RORA: variants seen among roughly 807,000 people sequenced by gnomAD.
RORA encodes nuclear receptor ROR-alpha.
Under a neutral mutation model 69.5 loss-of-function variants are expected in RORA, and 7 were observed. The observed-to-expected ratio is 0.10, with a 90% CI of 0.06 to 0.19. The LOEUF (loss-of-function observed/expected upper bound fraction) is 0.19, where lower values mean the gene tolerates loss of function less well. Ranked by LOEUF, RORA falls within the 10% of genes least tolerant of loss-of-function variation. RORA has a pLI of 1.00. For synonymous variants in RORA, 261 were observed against 240.8 expected (o/e 1.08, Z -0.78); for missense variants, 457 against 663.0 (o/e 0.69, Z 3.41).
chr15:60,894,585 A>T (rs1891177888), intron 1 of RORA, among the ~76,000 whole-genome samples: 1 of 152,176 alleles, frequency 6.6e-6, no homozygotes, highest in African/African-American at 2.4e-5. Context: ...GAGCAAGGGG[A>T]TCAGAAAACT....
chr15:61,022,922 C>T (rs963463445), intron 1 of RORA, among the ~76,000 whole-genome samples: 11 of 152,068 alleles, frequency 7.2e-5, no homozygotes, highest in African/African-American at 2.4e-4. Context: ...CGGTGGCCCA[C>T]ACCTGCAATC....
Position 61,228,342 on chromosome 15 carries a change from C to T in RORA, c.166+711G>A, listed in dbSNP as rs539184637. 2.6e-5 allele frequency among the ~76,000 whole-genome samples: 4 copies of T among 152,092 alleles called. No individual in the cohort carries two copies. The South Asian group carries it at 6.2e-4, about 24-fold the overall frequency. On this transcript the variant is annotated intron_variant, in intron 1 of 10. Transcript: ENST00000335670. ...TCCGAACCCCCGGTCTGCAAACTTG[C>T]GCATCTCCCCTCGCCGCGCCCGCCA...
At chr15:61,189,616 G>A (rs1432128422) in intron 1 of RORA, among the ~76,000 whole-genome samples, 1 of 152,074 alleles carries the variant, frequency 6.6e-6, no homozygotes, top group Non-Finnish European at 1.5e-5. Context: ...CCAAAATTTT[G>A]GGAGGCCGAG....
At chr15:61,091,913 T>C (rs2078713713) in intron 1 of RORA, among the ~76,000 whole-genome samples, 1 of 152,248 alleles carries the variant, frequency 6.6e-6, no homozygotes, top group Non-Finnish European at 1.5e-5. Flanking sequence ...TACAATGGCA[T>C]ATGTTAAAAA....
chr15:60,615,802 G>A (rs1056386037), intron 2 of RORA, among the ~76,000 whole-genome samples: 3 of 152,192 alleles, frequency 2.0e-5, no homozygotes, highest in East Asian at 1.9e-4. Context: ...AATGACTGAC[G>A]AGGCCCTGCT....
chr15:60,759,255 C>CAT (rs1011188901), intron 1 of RORA, among the ~76,000 whole-genome samples: 1 of 152,224 alleles, frequency 6.6e-6, no homozygotes, highest in African/African-American at 2.4e-5. Flanking sequence ...TCCTGCCTTA[C>CAT]AGAGGCCAGC....
intron 1 of RORA, among the ~76,000 whole-genome samples, chr15:60,769,105 G>A (rs2072032709): frequency 6.6e-6 from 1 of 152,352 alleles, no homozygotes; most frequent in East Asian, 1.9e-4. Context: ...GGTGTGAACA[G>A]AGAGTAAAGA....
intron 2 of RORA, among the ~76,000 whole-genome samples, chr15:60,542,924 C>T (rs2066940602): frequency 1.3e-5 from 2 of 151,318 alleles, no homozygotes; most frequent in Middle Eastern, 6.8e-3. Context: ...ACCACACATG[C>T]CACACACACA....
At chr15:60,854,341 C>A (rs1269141592) in intron 1 of RORA, among the ~76,000 whole-genome samples, 2 of 152,052 alleles carry the variant, frequency 1.3e-5, no homozygotes, top group Non-Finnish European at 2.9e-5. Flanking sequence ...ACAAAAATAA[C>A]TTGAATCATT....
intron 3 of RORA, among the ~76,000 whole-genome samples, chr15:60,516,236 TATATATATA>T: frequency 1.7e-5 from 1 of 57,170 alleles, no homozygotes; most frequent in Non-Finnish European, 3.0e-5. Context: ...TATATATATT[TATATATATA>T]TATTTATATA....
chr15:61,190,028 GAATA>G (rs896620334), intron 1 of RORA, among the ~76,000 whole-genome samples: 4 of 151,862 alleles, frequency 2.6e-5, no homozygotes, highest in African/African-American at 9.7e-5. Flanking sequence ...TTAATAAAAA[GAATA>G]AATGAGATTT....
intron 1 of RORA, among the ~76,000 whole-genome samples, chr15:60,842,524 C>T (rs1478976844): frequency 1.3e-5 from 2 of 152,196 alleles, no homozygotes; most frequent in Admixed American, 6.5e-5. Flanking sequence ...TCATTACTTG[C>T]ACTTTCCATT....
intron 1 of RORA, among the ~76,000 whole-genome samples, chr15:60,878,125 T>G (rs549009312): frequency 6.4e-5 from 9 of 139,920 alleles, no homozygotes; most frequent in African/African-American, 2.4e-4. Flanking sequence ...AGGAGATCGA[T>G]GCCATCCTGG....
At chr15:60,900,137 T>C (rs1891346759) in intron 1 of RORA, among the ~76,000 whole-genome samples, 2 of 152,242 alleles carry the variant, frequency 1.3e-5, no homozygotes, top group African/African-American at 4.8e-5. Context: ...TTTGGCGCTT[T>C]TTGACTTGGT....
chr15:60,714,296 T>C (rs1181365706), intron 1 of RORA, among the ~76,000 whole-genome samples: 1 of 152,070 alleles, frequency 6.6e-6, no homozygotes, highest in Non-Finnish European at 1.5e-5. Flanking sequence ...TGACCCCAGG[T>C]GATCCACTGG....
intron 1 of RORA, among the ~76,000 whole-genome samples, chr15:60,837,057 A>C (rs2140398285): frequency 1.4e-5 from 2 of 142,346 alleles, no homozygotes; most frequent in South Asian, 4.4e-4. Context: ...TTTTTTGTAG[A>C]TATGGGGTCT....
At chr15:60,585,745 T>TA (rs1165926281) in intron 2 of RORA, among the ~76,000 whole-genome samples, 7 of 152,334 alleles carry the variant, frequency 4.6e-5, no homozygotes, top group Non-Finnish European at 1.0e-4. Context: ...AGCTTTAAGT[T>TA]AAAAATTTTT....
In RORA at chr15:61,229,079, C is replaced by G. The variant is rs1256061363; in HGVS notation, c.140G>C (p.Arg47Thr). The G allele has an allele frequency of 6.5e-6, 10 of 1,536,888 alleles. No individual in the cohort carries two copies. The highest frequency in any genetic ancestry group is 8.8e-6 in the Non-Finnish European group (10 of 1,142,100). ...TCTGCTGGTGCTGGAATAGCTCTGTCTGCGCACCGGGGCAGGCGGCTCGCT... is the reference window on the plus strand; with the variant it reads ...TCTGCTGGTGCTGGAATAGCTCTGTGTGCGCACCGGGGCAGGCGGCTCGCT... ...RKSEPPAPVR[R>T]QSYSSTSRGI... Residue 47 changes from arginine to threonine, a missense_variant, in exon 1 of 11, where the codon AGA becomes ACA. By Grantham distance (71) the Arg-to-Thr change is moderately conservative. Transcript: ENST00000335670.
chr15:61,095,521 T>C (rs1463720975), intron 1 of RORA, among the ~76,000 whole-genome samples: 1 of 152,184 alleles, frequency 6.6e-6, no homozygotes, highest in South Asian at 2.1e-4. Flanking sequence ...CTTGGCTACT[T>C]TGTAAATATC....
Sources: gnomAD v4.1 joint callset for allele counts (sites outside exome capture counted in the v4.1 genomes callset) on GRCh38, gnomAD v4.1.1 for gene constraint, MANE v1.5 for transcripts, NCBI Gene and HGNC (gene_info 2026-07-23, HGNC 2026-07-21) for gene names.